GRIA1: variants seen among roughly 807,000 people sequenced by gnomAD.
The protein encoded by GRIA1 is glutamate receptor 1.
Under a neutral mutation model 99.2 loss-of-function variants are expected in GRIA1, and 31 were observed. The observed-to-expected ratio is 0.31, with a 90% CI of 0.23 to 0.42. GRIA1 has a LOEUF of 0.42. Among genes scored for constraint, GRIA1 ranks in the 10% least tolerant of loss-of-function variants. The pLI is 1.00. For missense variants in GRIA1, 782 were observed against 1,157.5 expected, an observed-to-expected ratio of 0.68 and a Z score of 4.71; for synonymous variants, 438 against 432.4, an observed-to-expected ratio of 1.01 and a Z score of -0.16.
intron 14 of GRIA1, among the ~76,000 whole-genome samples, chr5:153,797,020 T>C (rs1482502833): frequency 1.3e-5 from 2 of 152,172 alleles, no homozygotes; most frequent in Non-Finnish European, 2.9e-5. Context: ...TCTGCTCCGC[T>C]TGCTCCTTCC....
chr5:153,802,239 A>C, intron 14 of GRIA1, 117 bp from the exon 15 acceptor site: 1 of 783,724 alleles, frequency 1.3e-6, no homozygotes, highest in Non-Finnish European at 2.1e-6. Context: ...TGCAAATGTT[A>C]AAGAGGGTGT....
intron 1 of GRIA1, among the ~76,000 whole-genome samples, chr5:153,491,565 T>C (rs1753921131): frequency 6.6e-6 from 1 of 152,064 alleles, no homozygotes; most frequent in Non-Finnish European, 1.5e-5. Flanking sequence ...AGCTGCCTTC[T>C]CTTTGCTGTC....
intron 11 of GRIA1, among the ~76,000 whole-genome samples, chr5:153,715,531 T>A (rs1026051008): frequency 3.9e-5 from 6 of 152,124 alleles, no homozygotes; most frequent in African/African-American, 1.4e-4. Flanking sequence ...AGTTTCCACT[T>A]CTGGAAAACA....
intron 2 of GRIA1, among the ~76,000 whole-genome samples, chr5:153,608,381 AC>A (rs2149406041): frequency 6.6e-6 from 1 of 152,274 alleles, no homozygotes; most frequent in East Asian, 1.9e-4. Flanking sequence ...AATTTCATTT[AC>A]AATGATGTTA....
chr5:153,790,049 G>A (rs1765201473), intron 13 of GRIA1, among the ~76,000 whole-genome samples: 1 of 152,162 alleles, frequency 6.6e-6, no homozygotes, highest in Admixed American at 6.5e-5. Flanking sequence ...TTAGCCTAGG[G>A]CTAGTTGTAG....
chr5:153,643,869 C>A (rs1237016107), intron 2 of GRIA1, among the ~76,000 whole-genome samples: 2 of 152,190 alleles, frequency 1.3e-5, no homozygotes, highest in African/African-American at 4.8e-5. Flanking sequence ...TGTCTGCCTG[C>A]TCCCATTTCG....
At chr5:153,514,817 A>G (rs986169285) in intron 2 of GRIA1, among the ~76,000 whole-genome samples, 1 of 152,230 alleles carries the variant, frequency 6.6e-6, no homozygotes, top group Non-Finnish European at 1.5e-5. Flanking sequence ...ATTCCTCAAA[A>G]GAAAGCATAC....
At chr5:153,772,785 CAAAGT>C (rs1763967164) in intron 13 of GRIA1, among the ~76,000 whole-genome samples, 1 of 152,114 alleles carries the variant, frequency 6.6e-6, no homozygotes, top group Admixed American at 6.5e-5. Flanking sequence ...TAGAAAGACT[CAAAGT>C]AGAGAGTGAG....
rs73285886 is a variant in GRIA1 at position 153,573,407 on chromosome 5, C to T, written c.221-73521C>T. 5.3e-4 allele frequency: 81 copies of T among 152,250 alleles called. 1 individual carries two copies. Among genetic ancestry groups the T allele is most frequent in the African/African-American group, 1.8e-3 (75 of 41,570 alleles). The allele number at this position is 152,250 out of a possible 1,614,324, so 9.4% of individuals were successfully genotyped here. A position where few individuals can be genotyped will look rare whatever the true frequency, so the allele number is the denominator to read the frequency against. ...ACTAGAATTGTTGGGATGATTAAGT[C>T]GGATGATTCTCAGAAAGCACTTCCC... On this transcript the variant is annotated intron_variant, in intron 2 of 15. Transcript: ENST00000285900.
chr5:153,678,196 G>T (rs1274118710), intron 7 of GRIA1, among the ~76,000 whole-genome samples: 1 of 152,178 alleles, frequency 6.6e-6, no homozygotes, highest in Non-Finnish European at 1.5e-5. Context: ...GGGAGAAGAG[G>T]AGCATTTCTG....
Position 153,643,975 on chromosome 5 carries a change from C to T in GRIA1, c.221-2953C>T, listed in dbSNP as rs148533119. 9.7e-4 allele frequency among the ~76,000 whole-genome samples: 148 copies of T among 152,198 alleles called. 1 individual carries two copies. In the Middle Eastern group the frequency reaches 0.02, roughly 21 times the overall value. On this transcript the variant is annotated intron_variant, in intron 2 of 15. Transcript: ENST00000285900. ...CAGAGGCCCAACTAAATGTGTGAAACCAAGTAGGTGACATGAGGGAATAGA... is the reference window on the plus strand; with the variant it reads ...CAGAGGCCCAACTAAATGTGTGAAATCAAGTAGGTGACATGAGGGAATAGA...
chr5:153,767,725 C>G (rs936193807), intron 12 of GRIA1, among the ~76,000 whole-genome samples: 1 of 152,162 alleles, frequency 6.6e-6, no homozygotes, highest in African/African-American at 2.4e-5. Context: ...TCTTGGCAGC[C>G]CCAGCCCAGA....
At position 153,543,970 on chromosome 5, in the gene GRIA1, G is replaced by A. The variant is rs371983517; in HGVS notation, c.220+49905G>A. ...ATGGAGGGGGTGAGGGAATATGTGT[G>A]TATGTTGGGGGTGGGGTCACTCTTT... On this transcript the variant is annotated intron_variant, in intron 2 of 15. Transcript: ENST00000285900. Among the ~76,000 whole-genome samples, 16 of 151,834 alleles carry A rather than the reference G, an allele frequency of 1.1e-4. No individual in the cohort carries two copies. In the East Asian group the frequency reaches 2.5e-3, roughly 24 times the overall value.
intron 11 of GRIA1, among the ~76,000 whole-genome samples, chr5:153,717,323 A>T (rs970713395): frequency 2.6e-5 from 4 of 152,102 alleles, no homozygotes; most frequent in African/African-American, 9.7e-5. Context: ...ATGAAATAAG[A>T]TTTTTCCACA....
chr5:153,769,144 G>A (rs1247561250), intron 12 of GRIA1, among the ~76,000 whole-genome samples: 1 of 152,198 alleles, frequency 6.6e-6, no homozygotes, highest in East Asian at 1.9e-4. Context: ...GCCATCCAGT[G>A]AGTGCCCCAG....
chr5:153,613,401 C>T lies in GRIA1; in HGVS notation c.221-33527C>T, dbSNP rs1000521406. 3.3e-5 allele frequency among the ~76,000 whole-genome samples: 5 copies of T among 152,266 alleles called. No homozygotes were observed. The South Asian group carries it at 6.2e-4, about 19-fold the overall frequency. On this transcript the variant is annotated intron_variant, in intron 2 of 15. Transcript: ENST00000285900. ...TTGTTTTCCATGGTTTGGGTTCCTG[C>T]CAAATCAGTGAATATACAAATACTT...
At chr5:153,530,503 A>C (rs1161605571) in intron 2 of GRIA1, among the ~76,000 whole-genome samples, 1 of 152,220 alleles carries the variant, frequency 6.6e-6, no homozygotes, top group Non-Finnish European at 1.5e-5. Context: ...GAAAATGAGA[A>C]GCAGCTGTGA....
upstream of GRIA1, chr5:153,489,965 T>C (rs1669887919): frequency 2.5e-6 from 1 of 401,920 alleles, no homozygotes. Flanking sequence ...ACCGTTTCAC[T>C]TGTAAAGGTA....
chr5:153,764,872 G>C (rs1462415791), intron 12 of GRIA1, among the ~76,000 whole-genome samples: 1 of 152,192 alleles, frequency 6.6e-6, no homozygotes, highest in Non-Finnish European at 1.5e-5. Context: ...GCCTGTATCA[G>C]TCTGTGCTAA....
Sources: gnomAD v4.1 joint callset for allele counts (sites outside exome capture counted in the v4.1 genomes callset) on GRCh38, gnomAD v4.1.1 for gene constraint, MANE v1.5 for transcripts, NCBI Gene and HGNC (gene_info 2026-07-23, HGNC 2026-07-21) for gene names.